ABCC12: variants seen among roughly 807,000 people sequenced by gnomAD.
ABCC12 encodes the protein ATP binding cassette subfamily C member 12, also known as ATP-binding cassette sub-family C member 12.
In ABCC12, 142 loss-of-function variants were observed where a neutral mutation model predicts 151.1. The ratio of observed to expected loss-of-function variants is 0.94; its 90% CI spans 0.82 to 1.08. ABCC12 has a LOEUF of 1.08. Among genes scored for constraint, ABCC12 ranks in the 50% least tolerant of loss-of-function variants. The pLI is 0.00. For missense variants in ABCC12, 1,638 were observed against 1,691.1 expected (o/e 0.97, Z 0.55); for synonymous variants, 645 against 646.4 (o/e 1.00, Z 0.03).
intron 24 of ABCC12, among the ~76,000 whole-genome samples, chr16:48,093,244 A>G (rs1962976068): frequency 6.6e-6 from 1 of 152,086 alleles, no homozygotes; most frequent in Non-Finnish European, 1.5e-5. Context: ...AATACAGGTA[A>G]TACCCCGCCC....
intron 23 of ABCC12, among the ~76,000 whole-genome samples, chr16:48,097,580 C>G (rs1963147124): frequency 6.6e-6 from 1 of 152,182 alleles, no homozygotes; most frequent in South Asian, 2.1e-4. Flanking sequence ...GGAGATGACA[C>G]AGCCAGGGGA....
chr16:48,096,454 C>A (rs1204173485), intron 24 of ABCC12, among the ~76,000 whole-genome samples: 1 of 152,212 alleles, frequency 6.6e-6, no homozygotes, highest in African/African-American at 2.4e-5. Flanking sequence ...GCCTCCGTGG[C>A]TGGGCCAGGA....
At position 48,122,124 on chromosome 16, in the gene ABCC12, A is replaced by G. The variant is rs529479221; in HGVS notation, c.1588-284T>C. ...GACTGCAGGGCTGCTCCCAGTGCACATGGCACCTGGGCCCAACTACAACAG... is the reference window on the plus strand; with the variant it reads ...GACTGCAGGGCTGCTCCCAGTGCACGTGGCACCTGGGCCCAACTACAACAG... On this transcript the variant is annotated intron_variant, in intron 12 of 30. Coordinates refer to ENST00000311303, the MANE Select transcript of ABCC12 (RefSeq NM_001393797.1). Among the ~76,000 whole-genome samples, 122 of 152,358 alleles carry G rather than the reference A, an allele frequency of 8.0e-4. 1 individual carries two copies. Among genetic ancestry groups the G allele is most frequent in the African/African-American group, 2.8e-3 (118 of 41,594 alleles).
Position 48,083,915 on chromosome 16 carries a change from A to AT in ABCC12, c.3986dup (p.Asn1329LysfsTer6). 1.2e-6 allele frequency: 2 copies of AT among 1,612,044 alleles called. No homozygotes were observed. The highest frequency in any genetic ancestry group is 8.5e-7 in the Non-Finnish European group (1 of 1,179,502). On this transcript the variant is annotated frameshift_variant, in exon 30 of 31. Transcript: ENST00000311303. LOFTEE classifies it high-confidence loss of function. ...CCAAAAGAGCTTCCTATACCTTCCC[A>AT]TTTTCCATAACCAGGACGTGATCGC...
intron 24 of ABCC12, among the ~76,000 whole-genome samples, chr16:48,091,952 G>C (rs1038736211): frequency 1.3e-5 from 2 of 152,228 alleles, no homozygotes; most frequent in Non-Finnish European, 2.9e-5. Flanking sequence ...CCAGTGATAA[G>C]TGTCATTATA....
Position 48,111,923 on chromosome 16 carries a change from G to A in ABCC12, c.1990-13C>T. ...AAGACTCTAAGAACTGCAGAAGTAAGTGATCGACAATGAACTTCTGCCTGG... is the reference window on the plus strand; with the variant it reads ...AAGACTCTAAGAACTGCAGAAGTAAATGATCGACAATGAACTTCTGCCTGG... On this transcript the variant is annotated splice_polypyrimidine_tract_variant and intron_variant, in intron 15 of 30. Transcript: ENST00000311303. The A allele has an allele frequency of 6.2e-7, 1 of 1,612,036 alleles. No homozygotes were observed. Among genetic ancestry groups the A allele is most frequent in the Middle Eastern group, 1.7e-4 (1 of 5,966 alleles).
In ABCC12 at chr16:48,121,770, A is replaced by C. The variant is rs1182359601; in HGVS notation, c.1658T>G (p.Phe553Cys). The C allele has an allele frequency of 6.2e-7, 1 of 1,614,178 alleles. No homozygotes were observed. Among genetic ancestry groups the C allele is most frequent in the Admixed American group, 1.7e-5 (1 of 60,024 alleles). ...TATGTTTTCTCTCACATTTCCATGA[A>C]AGATCCATGCCTGCTGTGAAACGTA... ...LAYVSQQAWIFHGNVRENILF... is the reference protein window; with the variant it reads ...LAYVSQQAWICHGNVRENILF... Residue 553 changes from phenylalanine to cysteine, a missense_variant, in exon 13 of 31, where the codon TTT becomes TGT. Phe to Cys is a radical substitution (Grantham distance 205). Coordinates refer to ENST00000311303, the MANE Select transcript of ABCC12 (RefSeq NM_001393797.1).
chr16:48,096,662 TG>T (rs948009863), intron 24 of ABCC12, 83 bp downstream of exon 24: 1 of 1,412,954 alleles, frequency 7.1e-7, no homozygotes. Flanking sequence ...TTGGGGTTTT[TG>T]TTGTGTCCAT....
At chr16:48,085,119 A>G (rs1430094923) in intron 29 of ABCC12, among the ~76,000 whole-genome samples, 1 of 152,158 alleles carries the variant, frequency 6.6e-6, no homozygotes, top group East Asian at 1.9e-4. Context: ...ATGAGGCTTC[A>G]GAGACTGGCA....
chr16:48,098,900 TTGTGGGTG>T (rs1222434751), intron 23 of ABCC12, among the ~76,000 whole-genome samples: 2 of 152,128 alleles, frequency 1.3e-5, no homozygotes, highest in Non-Finnish European at 2.9e-5. Context: ...TGTGTGTTTG[TTGTGGGTG>T]AGTAGACTAA....
At chr16:48,102,575 GAC>G (rs1200684646) in intron 22 of ABCC12, among the ~76,000 whole-genome samples, 1 of 152,114 alleles carries the variant, frequency 6.6e-6, no homozygotes, top group African/African-American at 2.4e-5. Flanking sequence ...AACAGTGAAA[GAC>G]AGCAGCAAGA....
At chr16:48,138,576 G>C (rs964655926) in intron 7 of ABCC12, among the ~76,000 whole-genome samples, 1 of 152,168 alleles carries the variant, frequency 6.6e-6, no homozygotes. Context: ...TCATGTAAAG[G>C]CATGAATTGC....
chr16:48,137,507 G>A (rs957177013), intron 8 of ABCC12, among the ~76,000 whole-genome samples: 2 of 152,194 alleles, frequency 1.3e-5, no homozygotes, highest in African/African-American at 4.8e-5. Flanking sequence ...GTCCCAACCT[G>A]GGGCACTTCC....
Position 48,088,751 on chromosome 16 carries a change from C to G in ABCC12, c.3286-17G>C. On this transcript the variant is annotated splice_polypyrimidine_tract_variant and intron_variant, in intron 25 of 30. Coordinates refer to ENST00000311303, the MANE Select transcript of ABCC12 (RefSeq NM_001393797.1). ...AACACAGGTCTGTAAAGGAGAATAACCAATGACCAGTGACTAGCCATTTGT... is the reference window on the plus strand; with the variant it reads ...AACACAGGTCTGTAAAGGAGAATAAGCAATGACCAGTGACTAGCCATTTGT... 4.4e-6 allele frequency: 7 copies of G among 1,591,378 alleles called. No homozygotes were observed. Among genetic ancestry groups the G allele is most frequent in the Non-Finnish European group, 6.0e-6 (7 of 1,168,290 alleles).
chr16:48,141,303 G>T lies in ABCC12; in HGVS notation c.326C>A (p.Ala109Asp). Residue 109 changes from alanine to aspartate, a missense_variant, in exon 5 of 31, where the codon GCC (alanine) becomes GAC (aspartate). Coordinates refer to ENST00000311303, the MANE Select transcript of ABCC12 (RefSeq NM_001393797.1). ...EEVARVGPEK[A>D]SLSHVVWKFQ... is the part of the protein sequence containing the mutation. ...TTTCCACACCACGTGGCTCAGAGAG[G>T]CCTTCTCAGGACCCACCCTTGCTAC... The T allele has an allele frequency of 1.2e-6, 2 of 1,614,236 alleles. No individual in the cohort carries two copies. The highest frequency in any genetic ancestry group is 2.2e-5 in the South Asian group (2 of 91,086).
chr16:48,113,203 C>A (rs568586210), intron 15 of ABCC12, among the ~76,000 whole-genome samples: 91 of 152,300 alleles, frequency 6.0e-4, no homozygotes, highest in Admixed American at 2.8e-3. Context: ...CTTGATTGGG[C>A]GAGTTGGGAG....
chr16:48,130,215 A>G (rs890075323), intron 10 of ABCC12, among the ~76,000 whole-genome samples: 2 of 152,208 alleles, frequency 1.3e-5, no homozygotes, highest in African/African-American at 4.8e-5. Flanking sequence ...TCAAATGTCA[A>G]TTATATCCTT....
chr16:48,115,485 T>C lies in ABCC12; in HGVS notation c.1919A>G (p.His640Arg), dbSNP rs1445155608. 1.2e-6 allele frequency: 2 copies of C among 1,614,200 alleles called. No homozygotes were observed. The highest frequency in any genetic ancestry group is 1.7e-6 in the Non-Finnish European group (2 of 1,180,024). ...LSAVDAHVGK[H>R]VFEECIKKTL... ...CTTCTTAATGCACTCCTCAAAGACG[T>C]GCTTCCCCACGTGGGCGTCCACGGC... The change falls in exon 15 of 31, where the codon CAC becomes CGC. Residue 640 changes from histidine (H) to arginine (R), a missense_variant. His to Arg is a conservative substitution (Grantham distance 29). Coordinates refer to ENST00000311303, the MANE Select transcript of ABCC12 (RefSeq NM_001393797.1).
chr16:48,150,918 T>C (rs141489346), intron 2 of ABCC12, among the ~76,000 whole-genome samples: 8 of 152,360 alleles, frequency 5.3e-5, no homozygotes, highest in African/African-American at 1.7e-4. Flanking sequence ...TGCTTATTTG[T>C]AAGCTCCAAT....
Sources: allele counts gnomAD v4.1 joint callset (sites outside exome capture counted in the v4.1 genomes callset), GRCh38; gene constraint gnomAD v4.1.1; transcripts MANE v1.5; gene names NCBI Gene and HGNC (gene_info 2026-07-23, HGNC 2026-07-21).